HDAC8: variants seen among roughly 807,000 people sequenced by gnomAD.
The protein encoded by HDAC8 is histone deacetylase 8.
In HDAC8, 1 loss-of-function variant was observed where a neutral mutation model predicts 32.2. That is an observed-to-expected ratio of 0.03 (90% CI 0.01 to 0.15). The LOEUF (loss-of-function observed/expected upper bound fraction) is 0.15, where lower values mean the gene tolerates loss of function less well. Ranked by LOEUF, HDAC8 falls within the 10% of genes least tolerant of loss-of-function variation. HDAC8 has a pLI of 1.00. For synonymous variants in HDAC8, 108 were observed against 113.9 expected (o/e 0.95, Z 0.33); for missense variants, 117 against 300.0 (o/e 0.39, Z 4.51).
chrX:72,513,328 CTTT>C (rs782414687), intron 4 of HDAC8, among the ~76,000 whole-genome samples: 3 of 102,542 alleles, frequency 2.9e-5, no homozygotes, highest in Non-Finnish European at 2.0e-5. Flanking sequence ...TTTCTAATTA[CTTT>C]TTTTTTTTTT....
intron 4 of HDAC8, among the ~76,000 whole-genome samples, chrX:72,559,197 G>A (rs1203947227): frequency 1.9e-5 from 2 of 105,042 alleles, no homozygotes; most frequent in Non-Finnish European, 3.9e-5. Flanking sequence ...TCAGCCTGCC[G>A]AGTGCCTGGG....
intron 8 of HDAC8, among the ~76,000 whole-genome samples, chrX:72,463,744 C>T (rs1170422349): frequency 9.0e-6 from 1 of 111,623 alleles, no homozygotes; most frequent in African/African-American, 3.3e-5. Context: ...TTTAATAAGG[C>T]CTCCCCACAA....
intron 10 of HDAC8, among the ~76,000 whole-genome samples, chrX:72,343,471 C>T (rs781838751): frequency 8.2e-5 from 9 of 110,241 alleles, no homozygotes; most frequent in Admixed American, 9.7e-5. Flanking sequence ...CCATGCCCGG[C>T]CGAACTCAAA....
At chrX:72,365,162 C>T (rs1416992077) in intron 9 of HDAC8, among the ~76,000 whole-genome samples, 2 of 111,731 alleles carry the variant, frequency 1.8e-5, no homozygotes, top group African/African-American at 3.3e-5. Flanking sequence ...TCCCAAAATC[C>T]GAAATCTGAA....
At chrX:72,563,563 A>G (rs2051660754) in intron 4 of HDAC8, among the ~76,000 whole-genome samples, 1 of 112,175 alleles carries the variant, frequency 8.9e-6, no homozygotes, top group African/African-American at 3.2e-5. Flanking sequence ...ATAAATAAAT[A>G]AATAAAAACA....
At chrX:72,402,967 G>C (rs1428758891) in intron 9 of HDAC8, among the ~76,000 whole-genome samples, 1 of 111,583 alleles carries the variant, frequency 9.0e-6, no homozygotes, top group East Asian at 2.8e-4. Flanking sequence ...AGCCACTCCA[G>C]ATTTTTATGG....
Position 72,564,280 on chromosome X carries a change from T to C in HDAC8, c.437+3609A>G, listed in dbSNP as rs189150660. 1.2e-4 allele frequency among the ~76,000 whole-genome samples: 13 copies of C among 112,755 alleles called. No homozygotes were observed. The East Asian group carries it at 3.3e-3, about 29-fold the overall frequency. On this transcript the variant is annotated intron_variant, in intron 4 of 10. Coordinates refer to ENST00000373573, the MANE Select transcript of HDAC8 (RefSeq NM_018486.3). ...TTTGTAAATTGTCTATTCGTGTTCTTTGTGCAGATTTCTTCTTATACATTA... is the reference window on the plus strand; with the variant it reads ...TTTGTAAATTGTCTATTCGTGTTCTCTGTGCAGATTTCTTCTTATACATTA...
intron 9 of HDAC8, among the ~76,000 whole-genome samples, chrX:72,363,864 G>A (rs1195696803): frequency 3.6e-5 from 4 of 112,235 alleles, no homozygotes; most frequent in Admixed American, 9.4e-5. Context: ...ATGAGCCACC[G>A]TGCCCAGCCT....
intron 10 of HDAC8, among the ~76,000 whole-genome samples, chrX:72,331,196 C>T (rs998402972): frequency 8.2e-5 from 9 of 110,404 alleles, no homozygotes; most frequent in Non-Finnish European, 1.1e-4. Context: ...CCACCCGACT[C>T]GGCCTCCCAA....
intron 9 of HDAC8, among the ~76,000 whole-genome samples, chrX:72,415,583 A>G (rs185116388): frequency 1.0e-3 from 115 of 111,909 alleles, no homozygotes; most frequent in African/African-American, 3.7e-3. Flanking sequence ...CCTTGTAGTT[A>G]GATCTTATTT....
chrX:72,539,357 G>A (rs1363924297), intron 4 of HDAC8, among the ~76,000 whole-genome samples: 2 of 110,012 alleles, frequency 1.8e-5, no homozygotes, highest in African/African-American at 6.6e-5. Flanking sequence ...TCAGTCTCCC[G>A]AGTAGCTGGG....
At chrX:72,525,813 C>CAAAAAAAAAAAA (rs57801277) in intron 4 of HDAC8, among the ~76,000 whole-genome samples, 1 of 21,555 alleles carries the variant, frequency 4.6e-5, no homozygotes, top group African/African-American at 1.5e-4. Flanking sequence ...GACTCTGTCT[C>CAAAAAAAAAAAA]AAAAAAAAAA....
At chrX:72,470,397 A>C (rs1555997010) in intron 7 of HDAC8, among the ~76,000 whole-genome samples, 2 of 110,688 alleles carry the variant, frequency 1.8e-5, no homozygotes, top group Non-Finnish European at 3.8e-5. Flanking sequence ...TCTACCTGAA[A>C]ATGTCCTCCA....
rs150177210 is a variant in HDAC8, at chrX:72,517,946, T to C, written c.438-22678A>G. On this transcript the variant is annotated intron_variant, in intron 4 of 10. Transcript: ENST00000373573. ...AAGCCAGCTGGAATTTTGATAGAGA[T>C]TGTGTTGAATCTTTAGGTCAATTCG... Among the ~76,000 whole-genome samples the C allele has an allele frequency of 3.5e-3, 393 of 111,923 alleles. 3 individuals carry two copies. Among genetic ancestry groups the C allele is most frequent in the African/African-American group, 0.012 (368 of 30,851 alleles).
At chrX:72,393,742 C>T (rs1555964691) in intron 9 of HDAC8, among the ~76,000 whole-genome samples, 1 of 112,038 alleles carries the variant, frequency 8.9e-6, no homozygotes, top group Admixed American at 9.5e-5. Context: ...TTAGAGGCGT[C>T]TTTGTCTCTA....
chrX:72,508,007 G>A (rs2049448460), intron 4 of HDAC8, among the ~76,000 whole-genome samples: 1 of 111,912 alleles, frequency 8.9e-6, no homozygotes, highest in Non-Finnish European at 1.9e-5. Context: ...AAAACAGCAA[G>A]CAGGTGGCTA....
intron 4 of HDAC8, among the ~76,000 whole-genome samples, chrX:72,523,335 C>T (rs906624625): frequency 6.2e-5 from 7 of 112,181 alleles, no homozygotes; most frequent in African/African-American, 1.9e-4. Flanking sequence ...TTTGTTTTCA[C>T]GTCTTTGACT....
At position 72,495,402 on chromosome X, in the gene HDAC8, C is replaced by T. The variant is rs189114313; in HGVS notation, c.438-134G>A. 7.2e-5 allele frequency: 30 copies of T among 417,763 alleles called. No individual in the cohort carries two copies. The Admixed American group carries it at 1.1e-3, about 15-fold the overall frequency. 34.4% of individuals were successfully genotyped at this position (417,763 alleles called of 1,213,427 possible). A position where few individuals can be genotyped will look rare whatever the true frequency, so the allele number is the denominator to read the frequency against. On this transcript the variant is annotated intron_variant, in intron 4 of 10. Coordinates refer to ENST00000373573, the MANE Select transcript of HDAC8 (RefSeq NM_018486.3). ...TTTAAGAAAAACAGAAATCCATCTA[C>T]AAAGATTATAAGTAAATGACCCAGA...
intron 9 of HDAC8, among the ~76,000 whole-genome samples, chrX:72,372,336 T>C (rs1555956655): frequency 9.0e-6 from 1 of 111,041 alleles, no homozygotes; most frequent in Non-Finnish European, 1.9e-5. Context: ...CTACAGCACT[T>C]TTCACTGTGG....
Sources: allele counts gnomAD v4.1 joint callset (sites outside exome capture counted in the v4.1 genomes callset), GRCh38; gene constraint gnomAD v4.1.1; transcripts MANE v1.5; gene names NCBI Gene and HGNC (gene_info 2026-07-23, HGNC 2026-07-21).